The following IL1RAPL1 variants were observed in gnomAD, a reference collection of about 807,000 sequenced individuals.
IL1RAPL1 encodes the protein interleukin-1 receptor accessory protein-like 1.
A neutral mutation model predicts 48.4 loss-of-function variants in IL1RAPL1; 3 were observed. The observed-to-expected ratio is 0.06, with a 90% CI of 0.03 to 0.16. The LOEUF is 0.16. Among genes scored for constraint, IL1RAPL1 ranks in the 10% least tolerant of loss-of-function variants. IL1RAPL1 has a pLI of 1.00. For missense variants in IL1RAPL1, 349 were observed against 530.6 expected, an observed-to-expected ratio of 0.66 and a Z score of 3.36; for synonymous variants, 185 against 187.7, an observed-to-expected ratio of 0.99 and a Z score of 0.12.
chrX:29,950,911 C>T lies in IL1RAPL1; in HGVS notation c.1202-3611C>T, dbSNP rs779276025. 5.4e-5 allele frequency among the ~76,000 whole-genome samples: 6 copies of T among 111,193 alleles called. No homozygotes were observed. In the South Asian group the frequency reaches 2.3e-3, roughly 42 times the overall value. ...GCCAGGATGGTCTCGATCTCCTGAC[C>T]TTGTGATCTGCCTGCCTCGGCCTCC... On this transcript the variant is annotated intron_variant, in intron 9 of 10. Transcript: ENST00000378993.
chrX:28,839,338 A>C (rs1037083233), intron 2 of IL1RAPL1, among the ~76,000 whole-genome samples: 1 of 110,681 alleles, frequency 9.0e-6, no homozygotes, highest in African/African-American at 3.3e-5. Flanking sequence ...CTTAGAAGTA[A>C]AATTAATATT....
chrX:29,037,673 A>G (rs1295982836), intron 2 of IL1RAPL1, among the ~76,000 whole-genome samples: 2 of 111,707 alleles, frequency 1.8e-5, no homozygotes, highest in Admixed American at 1.9e-4. Context: ...GGAGGAGTGT[A>G]CAAATGAACT....
At chrX:28,615,215 T>TG (rs766469128) in intron 1 of IL1RAPL1, among the ~76,000 whole-genome samples, 18,299 of 82,075 alleles carry the variant, frequency 0.22, 1,784 homozygotes, top group East Asian at 0.33. Context: ...TTTTTTTTTT[T>TG]TTTTTTTTTT....
intron 2 of IL1RAPL1, among the ~76,000 whole-genome samples, chrX:28,941,069 G>A (rs774246026): frequency 4.5e-5 from 5 of 109,941 alleles, no homozygotes; most frequent in Admixed American, 9.7e-5. Flanking sequence ...AATATTTAAC[G>A]TATCAACATT....
At chrX:29,353,882 G>A (rs1430965185) in intron 3 of IL1RAPL1, among the ~76,000 whole-genome samples, 3 of 103,863 alleles carry the variant, frequency 2.9e-5, no homozygotes, top group Non-Finnish European at 2.0e-5. Flanking sequence ...ACTCATTGAG[G>A]TCCTCCTCTG....
chrX:29,043,499 C>T (rs1926890069), intron 2 of IL1RAPL1, among the ~76,000 whole-genome samples: 1 of 110,990 alleles, frequency 9.0e-6, no homozygotes, highest in African/African-American at 3.3e-5. Flanking sequence ...TTTTCACTGT[C>T]TAATAAAGGG....
chrX:29,670,695 G>GT (rs1012441105), intron 6 of IL1RAPL1, among the ~76,000 whole-genome samples: 10 of 111,895 alleles, frequency 8.9e-5, no homozygotes, highest in African/African-American at 1.9e-4. Context: ...TAAAATATAC[G>GT]TTTTTTCCAA....
chrX:29,759,309 T>C (rs1011981621), intron 6 of IL1RAPL1, among the ~76,000 whole-genome samples: 2 of 112,116 alleles, frequency 1.8e-5, no homozygotes, highest in African/African-American at 6.5e-5. Context: ...TTATGACATT[T>C]CCCAGATCTG....
chrX:29,595,909 G>A (rs1201604514), intron 5 of IL1RAPL1, among the ~76,000 whole-genome samples: 2 of 111,394 alleles, frequency 1.8e-5, no homozygotes, highest in Admixed American at 1.9e-4. Context: ...GTTGATTTTT[G>A]TATAAGCTGA....
chrX:29,010,957 ATTG>A (rs1294542361), intron 2 of IL1RAPL1, among the ~76,000 whole-genome samples: 1 of 112,137 alleles, frequency 8.9e-6, no homozygotes, highest in African/African-American at 3.2e-5. Flanking sequence ...GCACTCAAAA[ATTG>A]TTAGTTGTTC....
chrX:29,805,845 A>G (rs1930243049), intron 6 of IL1RAPL1, among the ~76,000 whole-genome samples: 1 of 110,521 alleles, frequency 9.0e-6, no homozygotes, highest in South Asian at 3.8e-4. Flanking sequence ...AGCGATATAA[A>G]AGCTGCATTG....
intron 2 of IL1RAPL1, among the ~76,000 whole-genome samples, chrX:29,230,433 C>A (rs1436493483): frequency 1.1e-5 from 1 of 93,114 alleles, no homozygotes; most frequent in Non-Finnish European, 2.0e-5. Context: ...CCCACAGTAT[C>A]AAAACCTTTG....
At chrX:29,159,845 G>C (rs867079066) in intron 2 of IL1RAPL1, among the ~76,000 whole-genome samples, 2 of 111,645 alleles carry the variant, frequency 1.8e-5, no homozygotes, top group Non-Finnish European at 3.8e-5. Context: ...CCGAGTAGCT[G>C]GGATTACAGG....
chrX:29,848,062 A>G (rs1254596570), intron 6 of IL1RAPL1, among the ~76,000 whole-genome samples: 1 of 111,090 alleles, frequency 9.0e-6, no homozygotes, highest in Non-Finnish European at 1.9e-5. Flanking sequence ...GAAGAGTTCA[A>G]CTCTTTACAG....
At chrX:28,718,748 A>T (rs2146938582) in intron 1 of IL1RAPL1, among the ~76,000 whole-genome samples, 1 of 112,009 alleles carries the variant, frequency 8.9e-6, no homozygotes, top group Non-Finnish European at 1.9e-5. Context: ...AAGAAATAGA[A>T]TCTTTTCTGG....
At chrX:29,471,755 C>G (rs775297920) in intron 5 of IL1RAPL1, among the ~76,000 whole-genome samples, 4 of 111,453 alleles carry the variant, frequency 3.6e-5, no homozygotes, top group Non-Finnish European at 7.5e-5. Context: ...CTTTCTGTCT[C>G]TATGAATTTG....
At chrX:28,641,433 A>T (rs1934540037) in intron 1 of IL1RAPL1, among the ~76,000 whole-genome samples, 2 of 111,392 alleles carry the variant, frequency 1.8e-5, no homozygotes, top group Admixed American at 1.9e-4. Flanking sequence ...CATGGTGTGT[A>T]TGTGCCACAG....
At chrX:29,710,294 G>A (rs1327680576) in intron 6 of IL1RAPL1, among the ~76,000 whole-genome samples, 1 of 108,885 alleles carries the variant, frequency 9.2e-6, no homozygotes, top group Non-Finnish European at 1.9e-5. Context: ...TTAGCCGTGG[G>A]TGTGTCATAT....
intron 1 of IL1RAPL1, among the ~76,000 whole-genome samples, chrX:28,637,084 A>T (rs1283116691): frequency 9.0e-6 from 1 of 111,382 alleles, no homozygotes; most frequent in Non-Finnish European, 1.9e-5. Context: ...TAAAACAAAC[A>T]TGGGGTAGAA....
Sources: allele counts gnomAD v4.1 joint callset (sites outside exome capture counted in the v4.1 genomes callset), GRCh38; gene constraint gnomAD v4.1.1; transcripts MANE v1.5; gene names NCBI Gene and HGNC (gene_info 2026-07-23, HGNC 2026-07-21).